SCYL3: variants seen among roughly 807,000 people sequenced by gnomAD.
The protein encoded by SCYL3 is protein-associating with the carboxyl-terminal domain of ezrin.
SCYL3 carries 35 observed loss-of-function variants against 73.8 expected under a neutral mutation model. That is an observed-to-expected ratio of 0.47 (90% CI 0.36 to 0.63). The LOEUF is 0.63. Ranked by LOEUF, SCYL3 falls within the 20% of genes least tolerant of loss-of-function variation. SCYL3 has a pLI of 0.00. For synonymous variants in SCYL3, 277 were observed against 295.2 expected, an observed-to-expected ratio of 0.94 and a Z score of 0.63; for missense variants, 712 against 798.9, an observed-to-expected ratio of 0.89 and a Z score of 1.31.
chr1:169,855,391 G>A (rs1192077609), intron 11 of SCYL3, among the ~76,000 whole-genome samples: 1 of 152,170 alleles, frequency 6.6e-6, no homozygotes, highest in African/African-American at 2.4e-5. Flanking sequence ...CCTAAGTGTA[G>A]TAGTTAAGGC....
At chr1:169,873,498 G>A (rs111252800) in intron 5 of SCYL3, among the ~76,000 whole-genome samples, 198 bp downstream of exon 5, 1 of 152,272 alleles carries the variant, frequency 6.6e-6, no homozygotes, top group Non-Finnish European at 1.5e-5. Context: ...CAATATCATA[G>A]GTGTTTATGT....
At chr1:169,879,996 G>GATCA (rs1423782839) in intron 2 of SCYL3, among the ~76,000 whole-genome samples, 25 of 152,172 alleles carry the variant, frequency 1.6e-4, no homozygotes, top group African/African-American at 5.3e-4. Context: ...GGCCAGGTTT[G>GATCA]GGGACTCACA....
At chr1:169,871,339 T>C (rs535375332) in intron 5 of SCYL3, among the ~76,000 whole-genome samples, 1 of 152,324 alleles carries the variant, frequency 6.6e-6, no homozygotes, top group Admixed American at 6.5e-5. Flanking sequence ...TCACAAGATC[T>C]GATGGCTTTA....
At chr1:169,876,218 A>C in intron 3 of SCYL3, 127 bp from the exon 4 acceptor site, 4 of 484,838 alleles carry the variant, frequency 8.3e-6, no homozygotes, top group Non-Finnish European at 1.4e-5. Flanking sequence ...AATCACCAAA[A>C]AAATTATGAC....
At chr1:169,876,514 GTTATT>G (rs1381358759) in intron 3 of SCYL3, among the ~76,000 whole-genome samples, 6 of 152,132 alleles carry the variant, frequency 3.9e-5, no homozygotes, top group East Asian at 3.8e-4. Flanking sequence ...GCTCACATAG[GTTATT>G]TTATTTATTT....
intron 8 of SCYL3, 50 bp from the exon 9 acceptor site, chr1:169,864,558 G>A (rs1458526126): frequency 6.5e-7 from 1 of 1,531,086 alleles, no homozygotes; most frequent in South Asian, 1.3e-5. Flanking sequence ...CACTGTATCA[G>A]CTTACTTGTA....
At chr1:169,874,462 G>C (rs1284375463) in intron 4 of SCYL3, among the ~76,000 whole-genome samples, 1 of 152,156 alleles carries the variant, frequency 6.6e-6, no homozygotes, top group African/African-American at 2.4e-5. Flanking sequence ...TCACAGAAAG[G>C]AGATTAAAGC....
At chr1:169,868,239 C>G (rs975987536) in intron 7 of SCYL3, among the ~76,000 whole-genome samples, 1 of 152,162 alleles carries the variant, frequency 6.6e-6, no homozygotes, top group Non-Finnish European at 1.5e-5. Context: ...TCTGGTTTTT[C>G]TCAAGCTCTA....
intron 1 of SCYL3, 68 bp from the exon 2 acceptor site, chr1:169,888,958 G>T: frequency 3.5e-6 from 3 of 856,350 alleles, no homozygotes; most frequent in Non-Finnish European, 5.0e-6. Flanking sequence ...GAGATATCCA[G>T]ACATAGCCAC....
chr1:169,856,585 T>TC (rs1333438709), intron 11 of SCYL3, among the ~76,000 whole-genome samples: 1 of 151,978 alleles, frequency 6.6e-6, no homozygotes, highest in Non-Finnish European at 1.5e-5. Context: ...GCACCACATC[T>TC]CCCCCCTCCT....
chr1:169,867,235 C>A (rs1391200394), intron 7 of SCYL3, among the ~76,000 whole-genome samples: 1 of 152,202 alleles, frequency 6.6e-6, no homozygotes, highest in Admixed American at 6.5e-5. Flanking sequence ...ATGGTTTAGT[C>A]AGAAAAATCC....
chr1:169,885,602 T>C (rs1661627903), intron 2 of SCYL3, among the ~76,000 whole-genome samples: 1 of 150,994 alleles, frequency 6.6e-6, no homozygotes, highest in Non-Finnish European at 1.5e-5. Flanking sequence ...TGCAGATGCT[T>C]TTTTTTTTGT....
At chr1:169,865,385 T>C (rs1193007013) in intron 8 of SCYL3, among the ~76,000 whole-genome samples, 2 of 152,160 alleles carry the variant, frequency 1.3e-5, no homozygotes, top group Non-Finnish European at 2.9e-5. Context: ...CAGGTTTACA[T>C]TGATACTCAT....
chr1:169,859,217 G>A lies in SCYL3; in HGVS notation c.1141-5C>T, dbSNP rs761553629. On this transcript the variant is annotated splice_region_variant and splice_polypyrimidine_tract_variant and intron_variant, in intron 10 of 12. Coordinates refer to ENST00000367771, the MANE Select transcript of SCYL3 (RefSeq NM_020423.7). Reference sequence around the variant, plus strand: ...ATCACGCAGGCCCAGCAAAACCTAGGAGCAAATGAGGTAATAAGGGTTGAC... The same window carrying A: ...ATCACGCAGGCCCAGCAAAACCTAGAAGCAAATGAGGTAATAAGGGTTGAC... 1.2e-6 allele frequency: 2 copies of A among 1,606,208 alleles called. No homozygotes were observed. Among genetic ancestry groups the A allele is most frequent in the Non-Finnish European group, 1.7e-6 (2 of 1,176,710 alleles).
At position 169,851,541 on chromosome 1, in the gene SCYL3, C is replaced by T. The variant is rs16862712; in HGVS notation, c.*2172G>A. The T allele has an allele frequency of 3.0e-3, 1,228 of 405,980 alleles. 15 individuals carry two copies. The highest frequency in any genetic ancestry group is 0.023 in the African/African-American group (1,137 of 48,968). The allele number at this position is 405,980 out of a possible 1,614,324, so 25.1% of individuals were successfully genotyped here. On this transcript the variant is annotated 3_prime_UTR_variant, in exon 13 of 13. Transcript: ENST00000367771. ...GCTGGATTTTAAGTACATGTGTATA[C>T]ACTGCTGTTGCCAGTTTCTTAGCTT...
Position 169,862,769 on chromosome 1 carries a change from C to T in SCYL3, c.984G>A (p.Leu328=), listed in dbSNP as rs750786548. Residue 328 remains leucine, a synonymous_variant, in exon 10 of 13, where the codon TTG becomes TTA. Coordinates refer to ENST00000367771, the MANE Select transcript of SCYL3 (RefSeq NM_020423.7). The stretch of plus-strand genomic sequence containing the variant: ...GTGACTGGAACAGGGCTGGTGAGAG[C>T]AAGCAAGGAGTTTCTCCCTGCGCAT... ...KDHAQGETPC[L]LSPALFQSRV... 3.7e-6 allele frequency: 6 copies of T among 1,614,170 alleles called. No individual in the cohort carries two copies. The South Asian group carries it at 6.6e-5, about 18-fold the overall frequency.
chr1:169,856,423 A>G (rs778060199), intron 11 of SCYL3, among the ~76,000 whole-genome samples: 4 of 152,238 alleles, frequency 2.6e-5, no homozygotes, highest in Non-Finnish European at 5.9e-5. Context: ...CAACTGGGGA[A>G]AAAATTAGTT....
At chr1:169,883,714 ATTTTTT>A (rs11311295) in intron 2 of SCYL3, among the ~76,000 whole-genome samples, 2 of 100,088 alleles carry the variant, frequency 2.0e-5, no homozygotes, top group African/African-American at 3.9e-5. Context: ...CTCCAATTAC[ATTTTTT>A]TTTTTTTTTT....
intron 10 of SCYL3, among the ~76,000 whole-genome samples, chr1:169,861,688 CAGAG>C (rs1659662970): frequency 6.6e-6 from 1 of 152,194 alleles, no homozygotes; most frequent in South Asian, 2.1e-4. Context: ...TCCTTGAAAG[CAGAG>C]AGAATGTTAA....
Sources: gnomAD v4.1 joint callset for allele counts (sites outside exome capture counted in the v4.1 genomes callset) on GRCh38, gnomAD v4.1.1 for gene constraint, MANE v1.5 for transcripts, NCBI Gene and HGNC (gene_info 2026-07-23, HGNC 2026-07-21) for gene names.